Variants in ZNF609 observed in about 807,000 individuals in gnomAD.
The protein encoded by ZNF609 is zinc finger protein 609.
Under a neutral mutation model 109.5 loss-of-function variants are expected in ZNF609, and 11 were observed. The ratio of observed to expected loss-of-function variants is 0.10; its 90% CI spans 0.06 to 0.17. The LOEUF (loss-of-function observed/expected upper bound fraction) is 0.17, where lower values mean the gene tolerates loss of function less well. ZNF609 is among the 10% of genes least tolerant of loss of function. The probability of loss-of-function intolerance (pLI) is 1.00; values close to 1 mark genes in which losing one functional copy is unlikely to be tolerated. For missense variants in ZNF609, 1,559 were observed against 1,772.4 expected, an observed-to-expected ratio of 0.88 and a Z score of 2.16; for synonymous variants, 646 against 662.0, an observed-to-expected ratio of 0.98 and a Z score of 0.37.
intron 2 of ZNF609, among the ~76,000 whole-genome samples, chr15:64,575,748 G>A (rs1894941052): frequency 6.6e-6 from 1 of 152,088 alleles, no homozygotes; most frequent in Non-Finnish European, 1.5e-5. Flanking sequence ...GCCAAAATTT[G>A]GAACTTAATC....
intron 2 of ZNF609, among the ~76,000 whole-genome samples, chr15:64,594,925 C>T (rs1337224612): frequency 4.1e-5 from 6 of 147,352 alleles, no homozygotes; most frequent in Middle Eastern, 3.6e-3. Flanking sequence ...ACTCGGGAGG[C>T]TGAGGCAGGA....
intron 4 of ZNF609, among the ~76,000 whole-genome samples, chr15:64,673,593 A>G (rs997408223): frequency 6.6e-6 from 1 of 152,250 alleles, no homozygotes; most frequent in Non-Finnish European, 1.5e-5. Flanking sequence ...GTCATTTAGC[A>G]TGCCTGGCCT....
intron 3 of ZNF609, among the ~76,000 whole-genome samples, chr15:64,668,654 T>C (rs1213097459): frequency 6.6e-6 from 1 of 152,046 alleles, no homozygotes; most frequent in African/African-American, 2.4e-5. Flanking sequence ...ACATTGTCTC[T>C]AAAAGAATTA....
chr15:64,636,908 T>C (rs1041066557), intron 3 of ZNF609, among the ~76,000 whole-genome samples: 1 of 152,218 alleles, frequency 6.6e-6, no homozygotes, highest in Admixed American at 6.5e-5. Context: ...TTTATATTAA[T>C]AAGTCTTACT....
intron 3 of ZNF609, among the ~76,000 whole-genome samples, chr15:64,658,614 A>G (rs902770936): frequency 6.6e-6 from 1 of 152,012 alleles, no homozygotes; most frequent in Non-Finnish European, 1.5e-5. Flanking sequence ...TATGTATAAT[A>G]TATGTTGAGG....
chr15:64,675,436 G>T lies in ZNF609; in HGVS notation c.2582G>T (p.Ser861Ile). The T allele has an allele frequency of 1.2e-6, 2 of 1,614,198 alleles. No homozygotes were observed. Among genetic ancestry groups the T allele is most frequent in the East Asian group, 2.2e-5 (1 of 44,880 alleles). ...GAGGATGGGGAGGGCAAGGTAGACA[G>T]TGTCAAATCAAAGGACGCCGAACAG... ...AGEDGEGKVD[S>I]VKSKDAEQLV... The change falls in exon 5 of 10, where the codon AGT (serine) becomes ATT (isoleucine). Residue 861 changes from serine (S) to isoleucine (I), a missense_variant. This residue lies in a region of ZNF609 where 1,204 missense variants were observed against 1,314.1 expected (regional missense o/e 0.92). Coordinates refer to ENST00000326648, the MANE Select transcript of ZNF609 (RefSeq NM_015042.2).
At chr15:64,576,304 T>C (rs1286311521) in intron 2 of ZNF609, among the ~76,000 whole-genome samples, 2 of 152,164 alleles carry the variant, frequency 1.3e-5, no homozygotes, top group Admixed American at 6.6e-5. Context: ...GTCTACTTGC[T>C]GCCAGTTTCA....
At chr15:64,461,304 G>C (rs1022780461) in intron 1 of ZNF609, among the ~76,000 whole-genome samples, 3 of 151,860 alleles carry the variant, frequency 2.0e-5, no homozygotes, top group Non-Finnish European at 4.4e-5. Context: ...GGAGCAAGGT[G>C]GCTGGGATCC....
At chr15:64,585,186 G>A (rs1317108989) in intron 2 of ZNF609, among the ~76,000 whole-genome samples, 1 of 151,962 alleles carries the variant, frequency 6.6e-6, no homozygotes, top group African/African-American at 2.4e-5. Context: ...TTAGTCAGGC[G>A]TGGTGATGCA....
At chr15:64,657,724 T>C (rs1313939563) in intron 3 of ZNF609, among the ~76,000 whole-genome samples, 5 of 152,150 alleles carry the variant, frequency 3.3e-5, no homozygotes, top group African/African-American at 1.2e-4. Context: ...ATTGGGATAG[T>C]CTACAGGTAA....
chr15:64,639,745 A>T (rs1203280711), intron 3 of ZNF609, among the ~76,000 whole-genome samples: 1 of 152,148 alleles, frequency 6.6e-6, no homozygotes, highest in Non-Finnish European at 1.5e-5. Context: ...ACACAGTTCA[A>T]TTCATAAAAG....
intron 2 of ZNF609, among the ~76,000 whole-genome samples, chr15:64,607,816 CTTCT>C (rs71133456): frequency 0.024 from 2,417 of 98,882 alleles, 195 homozygotes; most frequent in African/African-American, 0.059. Flanking sequence ...TAAATGTTTT[CTTCT>C]TTCTTTCTTT....
chr15:64,675,008 C>A lies in ZNF609; in HGVS notation c.2154C>A (p.Asn718Lys). Reference protein sequence around the residue: ...PTVMGEPFTVNPALTPAKDKK... With the variant: ...PTVMGEPFTVKPALTPAKDKK... ...TTATGGGAGAACCTTTCACAGTCAA[C>A]CCTGCCTTGACTCCAGCCAAGGACA... Residue 718 changes from asparagine (N) to lysine (K), a missense_variant, in exon 5 of 10, where the codon AAC (asparagine) becomes AAA (lysine). This residue lies in a region of ZNF609 where 1,204 missense variants were observed against 1,314.1 expected (regional missense o/e 0.92). Transcript: ENST00000326648. The A allele has an allele frequency of 1.2e-6, 2 of 1,614,024 alleles. No individual in the cohort carries two copies. The highest frequency in any genetic ancestry group is 1.7e-6 in the Non-Finnish European group (2 of 1,180,016).
intron 2 of ZNF609, chr15:64,528,998 C>T (rs1277040485): frequency 2.0e-6 from 3 of 1,510,582 alleles, no homozygotes; most frequent in East Asian, 4.6e-5. Context: ...GTGAGCTTCC[C>T]GTTCAGCTCA....
At chr15:64,658,322 C>G (rs768372038) in intron 3 of ZNF609, among the ~76,000 whole-genome samples, 2 of 152,120 alleles carry the variant, frequency 1.3e-5, no homozygotes, top group Middle Eastern at 3.2e-3. Flanking sequence ...CTCAGCCTCC[C>G]GAGTAGCTGG....
intron 3 of ZNF609, among the ~76,000 whole-genome samples, chr15:64,639,410 G>A (rs1366177123): frequency 1.3e-5 from 2 of 152,236 alleles, no homozygotes; most frequent in Admixed American, 6.5e-5. Context: ...CTGAGATCAA[G>A]GTGTTGGCAG....
rs1567019110 is a variant in ZNF609, at chr15:64,577,049, A to AATATATATGT, written c.748-45771_748-45770insTGTATATATA. ...ATATATATATGTATATATACACATA[A>AATATATATGT]ATATATACATATATGTATATATACA... On this transcript the variant is annotated intron_variant, in intron 2 of 9. Transcript: ENST00000326648. 1.5e-3 allele frequency among the ~76,000 whole-genome samples: 153 copies of AATATATATGT among 105,058 alleles called. 2 individuals are homozygous for AATATATATGT. The highest frequency in any genetic ancestry group is 4.4e-3 in the African/African-American group (132 of 30,030). 68.9% of individuals were successfully genotyped at this position (105,058 alleles called of 152,430 possible).
chr15:64,589,712 T>G (rs1895261994), intron 2 of ZNF609, among the ~76,000 whole-genome samples: 1 of 152,242 alleles, frequency 6.6e-6, no homozygotes, highest in African/African-American at 2.4e-5. Context: ...CCTCCTTTAC[T>G]TCTTCCTAAA....
chr15:64,631,384 C>T (rs1193926733), intron 3 of ZNF609: 8 of 725,540 alleles, frequency 1.1e-5, no homozygotes, highest in Middle Eastern at 4.8e-4. Flanking sequence ...CAACAGCGTG[C>T]TGGGGGACAC....
Sources: gnomAD v4.1 joint callset for allele counts (sites outside exome capture counted in the v4.1 genomes callset) on GRCh38, gnomAD v4.1.1 for gene constraint, gnomAD v4.1.1 regional missense constraint, MANE v1.5 for transcripts, NCBI Gene and HGNC (gene_info 2026-07-23, HGNC 2026-07-21) for gene names.